MOV10L1: variants seen among roughly 807,000 people sequenced by gnomAD.
MOV10L1 encodes Mov10 like RNA helicase 1.
In MOV10L1, 110 loss-of-function variants were observed where a neutral mutation model predicts 143.8. The ratio of observed to expected loss-of-function variants is 0.76; its 90% CI spans 0.66 to 0.90. The LOEUF is 0.90. Ranked by LOEUF, MOV10L1 falls within the 40% of genes least tolerant of loss-of-function variation. The pLI is 0.00. For synonymous variants in MOV10L1, 593 were observed against 581.1 expected, an observed-to-expected ratio of 1.02 and a Z score of -0.29; for missense variants, 1,406 against 1,526.8, an observed-to-expected ratio of 0.92 and a Z score of 1.32.
rs764600054 is a variant in MOV10L1 at position 50,117,266 on chromosome 22, C to T, written c.1369C>T (p.Arg457Cys). 5.0e-6 allele frequency: 8 copies of T among 1,614,032 alleles called. No homozygotes were observed. The highest frequency in any genetic ancestry group is 1.7e-5 in the Admixed American group (1 of 60,012). ...TGGGGAGGAGTCACTAATTGCTGCGCGCGAACCATTTTCTTGGAAAAAGCT... is the reference window on the plus strand; with the variant it reads ...TGGGGAGGAGTCACTAATTGCTGCGTGCGAACCATTTTCTTGGAAAAAGCT... ...ISGEESLIAA[R>C]EPFSWKKLKS... is the part of the protein sequence containing the mutation. The change falls in exon 9 of 27, where the codon CGC becomes TGC. Residue 457 changes from arginine to cysteine, a missense_variant. Physicochemically the swap from Arg to Cys is radical, Grantham distance 180. Transcript: ENST00000262794.
At chr22:50,102,156 T>G (rs1246365182) in intron 3 of MOV10L1, among the ~76,000 whole-genome samples, 1 of 152,212 alleles carries the variant, frequency 6.6e-6, no homozygotes, top group African/African-American at 2.4e-5. Context: ...CTCTTGAGGC[T>G]GAGAGAGTCA....
chr22:50,141,345 T>C (rs1054855620), intron 15 of MOV10L1, among the ~76,000 whole-genome samples: 1 of 152,010 alleles, frequency 6.6e-6, no homozygotes, highest in Non-Finnish European at 1.5e-5. Context: ...CTTTTTTTTT[T>C]TTATGAGTTT....
At chr22:50,137,801 T>A (rs1034045071) in intron 15 of MOV10L1, among the ~76,000 whole-genome samples, 2 of 60,140 alleles carry the variant, frequency 3.3e-5, no homozygotes, top group East Asian at 6.2e-4. Flanking sequence ...TATACATATT[T>A]TATATATATA....
intron 5 of MOV10L1, among the ~76,000 whole-genome samples, chr22:50,113,402 C>T (rs754582153): frequency 2.0e-5 from 3 of 152,170 alleles, no homozygotes; most frequent in Non-Finnish European, 4.4e-5. Context: ...TTCAGGACAC[C>T]GTTCTCAGAC....
rs917166232 is a variant in MOV10L1 at position 50,159,572 on chromosome 22, A to G, written c.3217-106A>G. ...AGCCGAGATCACGCCACTGCACTGC[A>G]GCCTGGGTGACAGAGTAATACTCCA... On this transcript the variant is annotated intron_variant, in intron 23 of 26. Transcript: ENST00000262794. This position sits in a 1 kb window ranked among gnomAD's most constrained non-coding sequence, Gnocchi z 4.1. 3.0e-6 allele frequency: 2 copies of G among 665,448 alleles called. No individual in the cohort carries two copies. Among genetic ancestry groups the G allele is most frequent in the Non-Finnish European group, 4.9e-6 (2 of 404,232 alleles). The allele number at this position is 665,448 out of a possible 1,614,324, so 41.2% of individuals were successfully genotyped here. A position where few individuals can be genotyped will look rare whatever the true frequency, so the allele number is the denominator to read the frequency against.
intron 15 of MOV10L1, among the ~76,000 whole-genome samples, chr22:50,137,001 C>T (rs1295285680): frequency 6.6e-6 from 1 of 152,112 alleles, no homozygotes; most frequent in South Asian, 2.1e-4. Flanking sequence ...CCCAGACTGA[C>T]AAAGTATGAT....
chr22:50,122,797 AT>A (rs55649847), intron 10 of MOV10L1, among the ~76,000 whole-genome samples: 72,767 of 147,158 alleles, frequency 0.49, 18,611 homozygotes, highest in Admixed American at 0.6. Context: ...TTATTTATTT[AT>A]TTTTGAGACA....
chr22:50,145,955 G>C, intron 19 of MOV10L1, 145 bp downstream of exon 19: 1 of 1,306,532 alleles, frequency 7.7e-7, no homozygotes, highest in African/African-American at 1.5e-5. Context: ...GGCTGGTTGG[G>C]GAGGGCCGTG....
At chr22:50,131,903 A>G (rs1300409371) in intron 13 of MOV10L1, among the ~76,000 whole-genome samples, 1 of 152,220 alleles carries the variant, frequency 6.6e-6, no homozygotes, top group Non-Finnish European at 1.5e-5. Context: ...TATAAACAAC[A>G]GAAATGTATT....
At chr22:50,110,705 C>A (rs1159853400) in intron 5 of MOV10L1, among the ~76,000 whole-genome samples, 1 of 152,006 alleles carries the variant, frequency 6.6e-6, no homozygotes, top group Non-Finnish European at 1.5e-5. Context: ...CCAAGGCGGG[C>A]GGATTGCCTG....
At chr22:50,145,203 A>C (rs1456737594) in intron 18 of MOV10L1, among the ~76,000 whole-genome samples, 1 of 152,176 alleles carries the variant, frequency 6.6e-6, no homozygotes, top group Non-Finnish European at 1.5e-5. Flanking sequence ...CTGCCTCCCA[A>C]AGTGTTGAGA....
chr22:50,112,060 G>A (rs10427556), intron 5 of MOV10L1, among the ~76,000 whole-genome samples: 19,510 of 152,214 alleles, frequency 0.13, 1,568 homozygotes, highest in East Asian at 0.33. Flanking sequence ...ACTTGGGGCT[G>A]TGGGAGGTGT....
At position 50,126,353 on chromosome 22, in the gene MOV10L1, C is replaced by T. The variant is rs899978469; in HGVS notation, c.1818+81C>T. 9 of 1,023,552 alleles carry T rather than the reference C, an allele frequency of 8.8e-6. No individual in the cohort carries two copies. The African/African-American group carries it at 1.5e-4, about 17-fold the overall frequency. The allele number at this position is 1,023,552 out of a possible 1,614,324, so 63.4% of individuals were successfully genotyped here. On this transcript the variant is annotated intron_variant, in intron 12 of 26. Transcript: ENST00000262794. ...GAAAGGTAACGTTCTCCCCACGGCT[C>T]TTGGGGAGATGCTCCCATATGCATT...
chr22:50,145,920 G>A (rs1267879125), intron 19 of MOV10L1, 110 bp downstream of exon 19: 1 of 1,502,750 alleles, frequency 6.7e-7, no homozygotes, highest in African/African-American at 1.4e-5. Context: ...TGCTCAGGGA[G>A]GGAGGCAGGG....
chr22:50,149,146 G>A (rs752429509), intron 19 of MOV10L1, among the ~76,000 whole-genome samples: 1 of 152,240 alleles, frequency 6.6e-6, no homozygotes, highest in Admixed American at 6.5e-5. Context: ...TGTTCTCAGC[G>A]CTTTACAGCG....
In MOV10L1 at chr22:50,142,184, A is replaced by G. The variant is rs1170026038; in HGVS notation, c.2174A>G (p.Asp725Gly). Residue 725 changes from aspartate to glycine, a missense_variant, in exon 16 of 27, where the codon GAT becomes GGT. Physicochemically the swap from Asp to Gly is moderately conservative, Grantham distance 94. Around this residue, in one of 3 missense-constraint regions of MOV10L1, gnomAD observed 1,233 missense variants for 1,351.4 expected, o/e 0.91. Coordinates refer to ENST00000262794, the MANE Select transcript of MOV10L1 (RefSeq NM_018995.3). ...GCACCCTTTACTGCAGAGATGAGCG[A>G]TTGGGGTATGTGCTCATGAGGGGCA... ...VLAPFTAEMS[D>G]WVDEIQTPKA... 6.2e-7 allele frequency: 1 copy of G among 1,611,218 alleles called. No individual in the cohort carries two copies. Among genetic ancestry groups the G allele is most frequent in the South Asian group, 1.1e-5 (1 of 90,780 alleles).
chr22:50,124,553 C>T (rs890875204), intron 10 of MOV10L1, among the ~76,000 whole-genome samples: 1 of 152,152 alleles, frequency 6.6e-6, no homozygotes, highest in Non-Finnish European at 1.5e-5. Flanking sequence ...AATTTTCAGC[C>T]ACCATGTGTT....
At chr22:50,095,861 A>G (rs1016394282) in intron 2 of MOV10L1, 1 of 152,026 alleles carries the variant, frequency 6.6e-6, no homozygotes, top group African/African-American at 2.4e-5. Flanking sequence ...TAAATTAGTA[A>G]TGGATTTTTC....
intron 15 of MOV10L1, among the ~76,000 whole-genome samples, chr22:50,140,592 T>G (rs753720833): frequency 1.5e-4 from 23 of 152,206 alleles, no homozygotes; most frequent in Non-Finnish European, 2.6e-4. Flanking sequence ...AATCTTATAG[T>G]GTTTTAAAAA....
Sources: gnomAD v4.1 joint callset for allele counts (sites outside exome capture counted in the v4.1 genomes callset) on GRCh38, gnomAD v4.1.1 for gene constraint, gnomAD v4.1.1 regional missense constraint, Gnocchi (gnomAD v3.1) non-coding constraint, MANE v1.5 for transcripts, NCBI Gene and HGNC (gene_info 2026-07-23, HGNC 2026-07-21) for gene names.